The following CSMD1 variants were observed in gnomAD, a reference collection of about 807,000 sequenced individuals.
CSMD1 encodes CUB and Sushi multiple domains 1.
In CSMD1, 213 loss-of-function variants were observed where a neutral mutation model predicts 417.5. The ratio of observed to expected loss-of-function variants is 0.51; its 90% CI spans 0.46 to 0.57. The LOEUF is 0.57. Among genes scored for constraint, CSMD1 ranks in the 20% least tolerant of loss-of-function variants. The pLI, the probability that CSMD1 is intolerant of heterozygous loss-of-function variation, is 0.00. For missense variants in CSMD1, 6,923 were observed against 4,529.7 expected (o/e 1.53, Z -15.17); for synonymous variants, 2,862 against 1,736.8 (o/e 1.65, Z -16.11).
chr8:3,582,327 G>C (rs1423289849), intron 9 of CSMD1, among the ~76,000 whole-genome samples: 2 of 152,144 alleles, frequency 1.3e-5, no homozygotes, highest in African/African-American at 4.8e-5. Context: ...TCTAATGGAT[G>C]AATCCATTAT....
At position 3,045,623 on chromosome 8, in the gene CSMD1, A is replaced by G. The variant is rs139940595; in HGVS notation, c.7660+6839T>C. ...TACTTCTCAGAATAAACCACATGCA[A>G]TGTTAAAGTGGCACCTGTTTCCTGC... On this transcript the variant is annotated intron_variant, in intron 50 of 69. Coordinates refer to ENST00000635120, the MANE Select transcript of CSMD1 (RefSeq NM_033225.6). Among the ~76,000 whole-genome samples, 1,315 of 152,214 alleles carry G rather than the reference A, an allele frequency of 8.6e-3. 26 individuals are homozygous for G. The highest frequency in any genetic ancestry group is 0.03 in the African/African-American group (1,241 of 41,526).
chr8:2,951,490 G>C (rs1802630711), intron 65 of CSMD1, among the ~76,000 whole-genome samples: 1 of 152,186 alleles, frequency 6.6e-6, no homozygotes, highest in African/African-American at 2.4e-5. Context: ...GTAGACACTT[G>C]TGCTTATGGG....
At chr8:4,046,696 G>C (rs1448637830) in intron 3 of CSMD1, among the ~76,000 whole-genome samples, 1 of 152,132 alleles carries the variant, frequency 6.6e-6, no homozygotes. Flanking sequence ...ATTTTAAAAG[G>C]ATGTAGATAT....
At chr8:4,764,244 AG>A (rs1812300616) in intron 1 of CSMD1, among the ~76,000 whole-genome samples, 2 of 152,220 alleles carry the variant, frequency 1.3e-5, no homozygotes, top group Non-Finnish European at 2.9e-5. Context: ...TATTGTACAG[AG>A]ATTAGGGAAA....
Position 4,024,217 on chromosome 8 carries a change from G to C in CSMD1, c.610+7688C>G, listed in dbSNP as rs1434355734. Among the ~76,000 whole-genome samples, 14 of 152,140 alleles carry C rather than the reference G, an allele frequency of 9.2e-5. No individual in the cohort carries two copies. In the East Asian group the frequency reaches 2.5e-3, roughly 27 times the overall value. ...AGATAGTAAGAAGACATGGGAAACA[G>C]AAGTGATGTAACATATTAATACTCA... On this transcript the variant is annotated intron_variant, in intron 4 of 69. Transcript: ENST00000635120.
At chr8:3,974,234 A>C (rs1402446488) in intron 5 of CSMD1, among the ~76,000 whole-genome samples, 2 of 150,836 alleles carry the variant, frequency 1.3e-5, no homozygotes, top group East Asian at 3.9e-4. Flanking sequence ...GTTATTTTTA[A>C]ATAATATAAT....
intron 3 of CSMD1, among the ~76,000 whole-genome samples, chr8:4,064,046 G>C (rs2130750546): frequency 6.6e-6 from 1 of 152,290 alleles, no homozygotes; most frequent in South Asian, 2.1e-4. Flanking sequence ...AGCTGAGAGT[G>C]AGGGCTCCTG....
At chr8:4,412,954 A>G (rs1796729564) in intron 3 of CSMD1, among the ~76,000 whole-genome samples, 1 of 152,360 alleles carries the variant, frequency 6.6e-6, no homozygotes, top group East Asian at 1.9e-4. Context: ...CAGAACTTGT[A>G]TCATCAATGG....
chr8:2,996,175 T>C (rs972779998), intron 54 of CSMD1, among the ~76,000 whole-genome samples: 4 of 149,336 alleles, frequency 2.7e-5, no homozygotes, highest in African/African-American at 7.5e-5. Context: ...AGGACTTTAA[T>C]GGGAAAAAAG....
intron 7 of CSMD1, among the ~76,000 whole-genome samples, chr8:3,651,461 T>C (rs547154153): frequency 6.6e-6 from 1 of 152,260 alleles, no homozygotes; most frequent in East Asian, 1.9e-4. Context: ...GTGCACGTTC[T>C]GACTTCCCTT....
chr8:3,603,407 G>C (rs989676094), intron 8 of CSMD1, among the ~76,000 whole-genome samples: 4 of 152,096 alleles, frequency 2.6e-5, no homozygotes, highest in African/African-American at 9.7e-5. Flanking sequence ...CGTCAGGAAA[G>C]GCTTGCGAGC....
chr8:4,947,417 G>GTT (rs34965012), intron 1 of CSMD1, among the ~76,000 whole-genome samples: 16 of 151,800 alleles, frequency 1.1e-4, no homozygotes, highest in African/African-American at 2.4e-5. Context: ...AGAATTACCA[G>GTT]TTTTTTTCTC....
chr8:4,615,447 G>A (rs1801420776), intron 2 of CSMD1, among the ~76,000 whole-genome samples: 1 of 152,078 alleles, frequency 6.6e-6, no homozygotes, highest in Non-Finnish European at 1.5e-5. Context: ...TAGAAATGCA[G>A]ACCAATTTCC....
chr8:4,768,060 C>T (rs1812588996), intron 1 of CSMD1, among the ~76,000 whole-genome samples: 1 of 152,156 alleles, frequency 6.6e-6, no homozygotes, highest in African/African-American at 2.4e-5. Flanking sequence ...TTAATGTCTT[C>T]AGCCCCTTGC....
At chr8:4,563,775 C>T (rs1167707121) in intron 2 of CSMD1, among the ~76,000 whole-genome samples, 1 of 152,124 alleles carries the variant, frequency 6.6e-6, no homozygotes, top group African/African-American at 2.4e-5. Context: ...GGTGCAAGCC[C>T]TGTCCTAAAT....
Position 4,075,530 on chromosome 8 carries a change from G to C in CSMD1, c.416-43431C>G, listed in dbSNP as rs185624121. Among the ~76,000 whole-genome samples the C allele has an allele frequency of 1.3e-3, 201 of 152,272 alleles. 1 individual carries two copies. Among genetic ancestry groups the C allele is most frequent in the African/African-American group, 4.7e-3 (194 of 41,562 alleles). ...TGGGAATTGATAACTAAAAATGTCA[G>C]ATATCCCCTTAGAGAATATATGTAA... On this transcript the variant is annotated intron_variant, in intron 3 of 69. Coordinates refer to ENST00000635120, the MANE Select transcript of CSMD1 (RefSeq NM_033225.6).
intron 10 of CSMD1, among the ~76,000 whole-genome samples, chr8:3,524,159 CCA>C (rs1491231762): frequency 3.4e-5 from 5 of 146,044 alleles, no homozygotes; most frequent in Non-Finnish European, 6.0e-5. Context: ...GCATGCACAG[CCA>C]GAGACGTGCA....
chr8:3,515,617 C>T (rs953012547), intron 10 of CSMD1, among the ~76,000 whole-genome samples: 9 of 152,192 alleles, frequency 5.9e-5, no homozygotes, highest in African/African-American at 1.2e-4. Flanking sequence ...TACTGTGGCA[C>T]GTGTACTTGG....
intron 1 of CSMD1, among the ~76,000 whole-genome samples, chr8:4,986,946 C>A (rs2117458791): frequency 6.6e-6 from 1 of 152,126 alleles, no homozygotes; most frequent in South Asian, 2.1e-4. Flanking sequence ...ATAGACTCTA[C>A]CTATCTATAT....
Sources: allele counts gnomAD v4.1 joint callset (sites outside exome capture counted in the v4.1 genomes callset), GRCh38; gene constraint gnomAD v4.1.1; transcripts MANE v1.5; gene names NCBI Gene and HGNC (gene_info 2026-07-23, HGNC 2026-07-21).